Variants in ERVV-2 observed in about 807,000 individuals in gnomAD.
ERVV-2 encodes endogenous retrovirus group V member 2, envelope.
For missense variants in ERVV-2, 291 were observed against 495.1 expected (o/e 0.59, Z 3.91); for synonymous variants, 105 against 184.6 (o/e 0.57, Z 3.49).
rs1004288910 is a variant in ERVV-2 at position 53,051,475 on chromosome 19, T to G, written c.*616T>G. On this transcript the variant is annotated 3_prime_UTR_variant, in exon 2 of 2. Coordinates refer to ENST00000601417, the MANE Select transcript of ERVV-2 (RefSeq NM_001191055.2). ...AGAACGCTTCTGAATGGCACATTCA[T>G]GAAAAATCATGTAAGGTTCTCATAA... 2.6e-5 allele frequency among the ~76,000 whole-genome samples: 4 copies of G among 152,086 alleles called. No homozygotes were observed. Among genetic ancestry groups the G allele is most frequent in the African/African-American group, 9.7e-5 (4 of 41,410 alleles).
intron 1 of ERVV-2, among the ~76,000 whole-genome samples, chr19:53,047,594 A>G (rs904919678): frequency 1.3e-5 from 2 of 152,242 alleles, no homozygotes; most frequent in South Asian, 2.1e-4. Flanking sequence ...ACAGCAGAGC[A>G]CACAGTAGGG....
At position 53,050,755 on chromosome 19, in the gene ERVV-2, T is replaced by C; in HGVS notation, c.1504T>C (p.Tyr502His). 2.0e-6 allele frequency: 3 copies of C among 1,536,148 alleles called. No homozygotes were observed. Among genetic ancestry groups the C allele is most frequent in the Non-Finnish European group, 1.7e-6 (2 of 1,146,906 alleles). Residue 502 changes from tyrosine (Y) to histidine (H), a missense_variant, in exon 2 of 2, where the codon TAT becomes CAT. Coordinates refer to ENST00000601417, the MANE Select transcript of ERVV-2 (RefSeq NM_001191055.2). ...FHMKSPQMER[Y>H]QLSVIGGPST... ...CATGAAGTCCCCCCAAATGGAAAGATATCAGCTATCTGTCATTGGAGGCCC... is the reference window on the plus strand; with the variant it reads ...CATGAAGTCCCCCCAAATGGAAAGACATCAGCTATCTGTCATTGGAGGCCC...
intron 1 of ERVV-2, among the ~76,000 whole-genome samples, chr19:53,046,880 C>T (rs1465522731): frequency 2.0e-5 from 3 of 152,090 alleles, no homozygotes; most frequent in Non-Finnish European, 2.9e-5. Flanking sequence ...GGAGAAACCC[C>T]GTATCGGCTG....
chr19:53,050,770 A>T lies in ERVV-2; in HGVS notation c.1519A>T (p.Ile507Phe). The T allele has an allele frequency of 6.5e-7, 1 of 1,536,144 alleles. No homozygotes were observed. The highest frequency in any genetic ancestry group is 1.4e-5 in the African/African-American group (1 of 73,182). The part of the protein sequence containing the change: ...PQMERYQLSV[I>F]GGPSTYKHIS... ...AATGGAAAGATATCAGCTATCTGTCATTGGAGGCCCCAGCACCTATAAGCA... is the reference window on the plus strand; with the variant it reads ...AATGGAAAGATATCAGCTATCTGTCTTTGGAGGCCCCAGCACCTATAAGCA... The change falls in exon 2 of 2, where the codon ATT becomes TTT. Residue 507 changes from isoleucine (I) to phenylalanine (F), a missense_variant. By Grantham distance (21) the Ile-to-Phe change is conservative (BLOSUM62 0). Transcript: ENST00000601417.
Position 53,049,131 on chromosome 19 carries a change from C to T in ERVV-2, c.-121C>T, listed in dbSNP as rs2083902028. On this transcript the variant is annotated 5_prime_UTR_variant, in exon 2 of 2. Coordinates refer to ENST00000601417, the MANE Select transcript of ERVV-2 (RefSeq NM_001191055.2). ...TTATTTTGACCCAACTGGCATGCCA[C>T]CTGAAGTCCCGATAACAGCCTGATT... is the stretch of plus-strand genomic sequence containing the variant. 3.0e-5 allele frequency: 29 copies of T among 956,300 alleles called. No individual in the cohort carries two copies. The South Asian group carries it at 4.3e-4, about 14-fold the overall frequency. The allele number at this position is 956,300 out of a possible 1,614,324, so 59.2% of individuals were successfully genotyped here.
intron 1 of ERVV-2, among the ~76,000 whole-genome samples, chr19:53,045,499 C>A (rs2083887461): frequency 6.6e-6 from 1 of 152,146 alleles, no homozygotes; most frequent in African/African-American, 2.4e-5. Context: ...GACAGAGTTT[C>A]ACCATATTGG....
Position 53,050,669 on chromosome 19 carries a change from T to G in ERVV-2, c.1418T>G (p.Phe473Cys). The G allele has an allele frequency of 6.7e-7, 1 of 1,497,160 alleles. No individual in the cohort carries two copies. Among genetic ancestry groups the G allele is most frequent in the Non-Finnish European group, 9.0e-7 (1 of 1,111,610 alleles). 92.7% of individuals were successfully genotyped at this position (1,497,160 alleles called of 1,614,324 possible). The change falls in exon 2 of 2, where the codon TTT (phenylalanine) becomes TGT (cysteine). Residue 473 changes from phenylalanine (F) to cysteine (C), a missense_variant. By Grantham distance (205) the Phe-to-Cys change is radical (BLOSUM62 -2). Transcript: ENST00000601417. Reference sequence around the variant, plus strand: ...ACAGTTATACTCTTACTTTTCCTCTTTGGCCCTTGTTTCTTTAATTTACTG... The same window carrying G: ...ACAGTTATACTCTTACTTTTCCTCTGTGGCCCTTGTTTCTTTAATTTACTG... ...PATVILLLFLFGPCFFNLLIK... is the reference protein window; with the variant it reads ...PATVILLLFLCGPCFFNLLIK...
rs2083901443 is a variant in ERVV-2 at position 53,049,008 on chromosome 19, C to G, written c.-244C>G. On this transcript the variant is annotated 5_prime_UTR_variant, in exon 2 of 2. Coordinates refer to ENST00000601417, the MANE Select transcript of ERVV-2 (RefSeq NM_001191055.2). Reference sequence around the variant, plus strand: ...CACTGGAGAACTTAAAATTCCACTTCAAGTGAAAAGATAAGTAAAGCCTTC... The same window carrying G: ...CACTGGAGAACTTAAAATTCCACTTGAAGTGAAAAGATAAGTAAAGCCTTC... 5 of 626,016 alleles carry G rather than the reference C, an allele frequency of 8.0e-6. No homozygotes were observed. The highest frequency in any genetic ancestry group is 3.0e-5 in the Admixed American group (1 of 33,544). The allele number at this position is 626,016 out of a possible 1,614,324, so 38.8% of individuals were successfully genotyped here.
At position 53,050,081 on chromosome 19, in the gene ERVV-2, C is replaced by A. The variant is rs1600777113; in HGVS notation, c.830C>A (p.Thr277Asn). Residue 277 changes from threonine (T) to asparagine (N), a missense_variant, in exon 2 of 2, where the codon ACC (threonine) becomes AAC (asparagine). Transcript: ENST00000601417. ...GGAAGTCCTAAGATAACCTATTCAACCCCCCCTGTGGCAAACCTCTACACT... is the reference window on the plus strand; with the variant it reads ...GGAAGTCCTAAGATAACCTATTCAAACCCCCCTGTGGCAAACCTCTACACT... ...FDGSPKITYS[T>N]PPVANLYTCI... is the part of the protein sequence containing the mutation. 1.0e-5 allele frequency: 15 copies of A among 1,470,270 alleles called. 1 individual carries two copies. The highest frequency in any genetic ancestry group is 7.4e-5 in the East Asian group (3 of 40,650). The allele number at this position is 1,470,270 out of a possible 1,614,324, so 91.1% of individuals were successfully genotyped here.
chr19:53,044,747 T>G lies in ERVV-2; in HGVS notation c.-597T>G, dbSNP rs1251481137. 1 of 152,060 alleles carries G rather than the reference T, an allele frequency of 6.6e-6. No homozygotes were observed. Among genetic ancestry groups the G allele is most frequent in the African/African-American group, 2.4e-5 (1 of 41,400 alleles). 9.4% of individuals were successfully genotyped at this position (152,060 alleles called of 1,614,324 possible). The stretch of plus-strand genomic sequence containing the variant: ...GCCAGCATAAGTAAGGACAGACTCC[T>G]TCTTTTCAGGAGCCCACTCGGTTCT... On this transcript the variant is annotated 5_prime_UTR_variant, in exon 1 of 2. Coordinates refer to ENST00000601417, the MANE Select transcript of ERVV-2 (RefSeq NM_001191055.2).
intron 1 of ERVV-2, among the ~76,000 whole-genome samples, chr19:53,047,552 C>G (rs190475835): frequency 6.6e-6 from 1 of 152,152 alleles, no homozygotes; most frequent in South Asian, 2.1e-4. Flanking sequence ...TCTAAGAAAT[C>G]CTTCTGAGCA....
intron 1 of ERVV-2, among the ~76,000 whole-genome samples, chr19:53,045,494 A>G (rs2083887439): frequency 6.6e-6 from 1 of 152,078 alleles, no homozygotes; most frequent in East Asian, 1.9e-4. Context: ...GTAGAGACAG[A>G]GTTTCACCAT....
chr19:53,048,417 C>T (rs573848078), intron 1 of ERVV-2, among the ~76,000 whole-genome samples: 1 of 151,316 alleles, frequency 6.6e-6, no homozygotes, highest in Admixed American at 6.6e-5. Context: ...GTGGCTCATG[C>T]CTGTAATCCC....
chr19:53,051,216 G>A lies in ERVV-2; in HGVS notation c.*357G>A, dbSNP rs2083913018. 6.0e-6 allele frequency: 1 copy of A among 166,914 alleles called. No individual in the cohort carries two copies. Among genetic ancestry groups the A allele is most frequent in the African/African-American group, 2.8e-5 (1 of 36,142 alleles). The allele number at this position is 166,914 out of a possible 1,614,324, so 10.3% of individuals were successfully genotyped here. ...GGCTGGAGTACAATGGTGCGATCTC[G>A]GCTCACTGCACCCTCCACCTCCCAG... On this transcript the variant is annotated 3_prime_UTR_variant, in exon 2 of 2. Coordinates refer to ENST00000601417, the MANE Select transcript of ERVV-2 (RefSeq NM_001191055.2).
chr19:53,050,587 G>T lies in ERVV-2; in HGVS notation c.1336G>T (p.Ala446Ser), dbSNP rs2083908608. The change falls in exon 2 of 2, where the codon GCT (alanine) becomes TCT (serine). Residue 446 changes from alanine to serine, a missense_variant. Transcript: ENST00000601417. ...GGASARAIWEAVKSALPSLNW... is the reference protein window; with the variant it reads ...GGASARAIWESVKSALPSLNW... ...TGCTTCAGCAAGGGCCATCTGGGAG[G>T]CTGTGAAGTCTGCCCTCCCCTCCCT... is the stretch of plus-strand genomic sequence containing the variant. 5 of 934,882 alleles carry T rather than the reference G, an allele frequency of 5.3e-6. No homozygotes were observed. The South Asian group carries it at 6.9e-5, about 13-fold the overall frequency. The allele number at this position is 934,882 out of a possible 1,614,324, so 57.9% of individuals were successfully genotyped here. A position where few individuals can be genotyped will look rare whatever the true frequency, so the allele number is the denominator to read the frequency against.
chr19:53,046,950 G>A lies in ERVV-2; in HGVS notation c.-385-1917G>A, dbSNP rs181240432. Among the ~76,000 whole-genome samples, 520 of 152,240 alleles carry A rather than the reference G, an allele frequency of 3.4e-3. 6 individuals are homozygous for A. Among genetic ancestry groups the A allele is most frequent in the African/African-American group, 0.012 (495 of 41,532 alleles). On this transcript the variant is annotated intron_variant, in intron 1 of 1. Coordinates refer to ENST00000601417, the MANE Select transcript of ERVV-2 (RefSeq NM_001191055.2). Reference sequence around the variant, plus strand: ...TGGGAGGCTGAGGCGGGCAGATCACGAGGTCGGGAGTTTGAGACCAGCCTG... The same window carrying A: ...TGGGAGGCTGAGGCGGGCAGATCACAAGGTCGGGAGTTTGAGACCAGCCTG...
chr19:53,047,846 T>G (rs2083896859), intron 1 of ERVV-2, among the ~76,000 whole-genome samples: 2 of 152,170 alleles, frequency 1.3e-5, no homozygotes, highest in African/African-American at 4.8e-5. Flanking sequence ...CCCCAGATTG[T>G]AAAACAAGAG....
intron 1 of ERVV-2, among the ~76,000 whole-genome samples, chr19:53,048,359 G>C (rs2083898633): frequency 1.3e-5 from 2 of 151,752 alleles, no homozygotes; most frequent in African/African-American, 2.4e-5. Flanking sequence ...TGGGAGACAA[G>C]AGCAATACTA....
Position 53,050,496 on chromosome 19 carries a change from G to C in ERVV-2, c.1245G>C (p.Ala415=). Residue 415 remains alanine (A), a synonymous_variant, in exon 2 of 2, where the codon GCG becomes GCC. Coordinates refer to ENST00000601417, the MANE Select transcript of ERVV-2 (RefSeq NM_001191055.2). The stretch of plus-strand genomic sequence containing the variant: ...GCGTTTATGTCAATAACAGTGGGGC[G>C]ATAGAGGAGGATATAAAAAAGATCT... ...SCCVYVNNSG[A]IEEDIKKIYD... is the part of the protein sequence containing the mutation. 1.4e-6 allele frequency: 1 copy of C among 720,500 alleles called. No individual in the cohort carries two copies. The highest frequency in any genetic ancestry group is 2.5e-6 in the Non-Finnish European group (1 of 401,030). The allele number at this position is 720,500 out of a possible 1,614,324, so 44.6% of individuals were successfully genotyped here.
Sources: allele counts gnomAD v4.1 joint callset (sites outside exome capture counted in the v4.1 genomes callset), GRCh38; gene constraint gnomAD v4.1.1; transcripts MANE v1.5; gene names NCBI Gene and HGNC (gene_info 2026-07-23, HGNC 2026-07-21).